ENKUR: variants seen among roughly 807,000 people sequenced by gnomAD.
ENKUR encodes the protein enkurin, TRPC channel interacting protein.
Under a neutral mutation model 27.6 loss-of-function variants are expected in ENKUR, and 19 were observed. That is an observed-to-expected ratio of 0.69 (90% CI 0.48 to 1.01). ENKUR has a LOEUF of 1.01. Among genes scored for constraint, ENKUR ranks in the 50% least tolerant of loss-of-function variants. ENKUR has a pLI of 0.00. For synonymous variants in ENKUR, 117 were observed against 96.9 expected (o/e 1.21, Z -1.22); for missense variants, 312 against 310.5 (o/e 1.00, Z -0.04).
At chr10:25,019,638 C>G (rs1372726545), upstream of ENKUR, among the ~76,000 whole-genome samples, 1 of 152,188 alleles carries the variant, frequency 6.6e-6, no homozygotes, top group Non-Finnish European at 1.5e-5. Context: ...TATGCAAATA[C>G]TACACCATTT....
chr10:24,984,933 AC>A (rs1564333286), intron 4 of ENKUR, 28 bp from the exon 5 acceptor site: 2 of 1,570,528 alleles, frequency 1.3e-6, no homozygotes, highest in African/African-American at 2.7e-5. Flanking sequence ...ACTTGTAAAT[AC>A]CAAAGCAAAC....
intron 1 of ENKUR, among the ~76,000 whole-genome samples, chr10:25,009,931 C>T (rs533047013): frequency 1.9e-4 from 29 of 152,288 alleles, no homozygotes; most frequent in Non-Finnish European, 4.1e-4. Context: ...ATTACCTACT[C>T]TTGGGTATGT....
At chr10:25,036,851 CAATT>C (rs1851014597) in intron 2 of ENKUR, among the ~76,000 whole-genome samples, 1 of 152,152 alleles carries the variant, frequency 6.6e-6, no homozygotes, top group Non-Finnish European at 1.5e-5. Context: ...GAGCCCTGGA[CAATT>C]GCCTGCTGGT....
At chr10:25,010,613 G>T (rs1242204803) in intron 1 of ENKUR, among the ~76,000 whole-genome samples, 1 of 142,844 alleles carries the variant, frequency 7.0e-6, no homozygotes, top group Admixed American at 7.2e-5. Flanking sequence ...CCCCACAACA[G>T]TCCCCAGAGT....
chr10:24,993,970 C>T (rs1849982705), intron 3 of ENKUR, among the ~76,000 whole-genome samples: 1 of 152,162 alleles, frequency 6.6e-6, no homozygotes, highest in South Asian at 2.1e-4. Flanking sequence ...TTTCCCTATC[C>T]TGTGGGACAA....
intron 1 of ENKUR, among the ~76,000 whole-genome samples, chr10:25,015,244 C>G (rs1012685517): frequency 6.6e-6 from 1 of 152,208 alleles, no homozygotes; most frequent in Admixed American, 6.5e-5. Context: ...AAAATTTCAA[C>G]TCAATTACAT....
chr10:25,002,898 T>C (rs1487582321), intron 1 of ENKUR, among the ~76,000 whole-genome samples: 1 of 151,840 alleles, frequency 6.6e-6, no homozygotes, highest in Admixed American at 6.6e-5. Flanking sequence ...GGTCTCGTGA[T>C]TAATAAGATA....
At chr10:25,021,218 G>T (rs1257678445) in intron 2 of ENKUR, among the ~76,000 whole-genome samples, 2 of 152,138 alleles carry the variant, frequency 1.3e-5, no homozygotes, top group Admixed American at 1.3e-4. Flanking sequence ...AATATTTTGT[G>T]CTAACCACTA....
In ENKUR at chr10:24,995,646, C is replaced by G; in HGVS notation, c.447G>C (p.Lys149Asn). The G allele has an allele frequency of 6.2e-7, 1 of 1,606,502 alleles. No homozygotes were observed. The highest frequency in any genetic ancestry group is 1.1e-5 in the South Asian group (1 of 88,864). ...SGLVPKYINK[K>N]DYGVTPEYIC... ...TCTTATTAATATACCACAAGGCTAC[C>G]TTTTTATTGATGTACTTTGGAACTA... Residue 149 changes from lysine to asparagine, a missense_variant and splice_region_variant, in exon 3 of 6, where the codon AAG (lysine) becomes AAC (asparagine). Transcript: ENST00000331161.
chr10:24,982,989 G>GA lies in ENKUR; in HGVS notation c.*1380dup, dbSNP rs1263802909. The GA allele has an allele frequency of 6.6e-6, 1 of 152,130 alleles. No homozygotes were observed. Among genetic ancestry groups the GA allele is most frequent in the Non-Finnish European group, 1.5e-5 (1 of 68,030 alleles). 9.4% of individuals were successfully genotyped at this position (152,130 alleles called of 1,614,324 possible). On this transcript the variant is annotated 3_prime_UTR_variant, in exon 6 of 6. Transcript: ENST00000331161. Reference sequence around the variant, plus strand: ...ATATTTTTGCATTGCTACTGATTTTGAATTATTTAAAAATGAGTATGTATA... The same window carrying GA: ...ATATTTTTGCATTGCTACTGATTTTGAAATTATTTAAAAATGAGTATGTATA...
upstream of ENKUR, among the ~76,000 whole-genome samples, chr10:25,017,712 C>T (rs1036226323): frequency 6.6e-6 from 1 of 151,658 alleles, no homozygotes; most frequent in Non-Finnish European, 1.5e-5. Flanking sequence ...GATTGTCTTC[C>T]AAAACATTTT....
At chr10:24,994,962 A>T (rs937124934) in intron 3 of ENKUR, among the ~76,000 whole-genome samples, 1 of 152,158 alleles carries the variant, frequency 6.6e-6, no homozygotes, top group Non-Finnish European at 1.5e-5. Flanking sequence ...TGGAAGTTGC[A>T]GTGAGCTGAG....
At chr10:25,018,707 T>G (rs1376223013), upstream of ENKUR, among the ~76,000 whole-genome samples, 1 of 137,240 alleles carries the variant, frequency 7.3e-6, no homozygotes. Context: ...TCTATTTAAA[T>G]GAATAAAATG....
upstream of ENKUR, among the ~76,000 whole-genome samples, chr10:25,018,643 TAAAC>T (rs1341967420): frequency 7.1e-6 from 1 of 139,986 alleles, no homozygotes; most frequent in Non-Finnish European, 1.5e-5. Context: ...GTGATGTACA[TAAAC>T]AAATGAGAGT....
chr10:25,017,298 GCCTGCCGTAGGAAAGT>G (rs1277800895), upstream of ENKUR, among the ~76,000 whole-genome samples: 2 of 152,122 alleles, frequency 1.3e-5, no homozygotes, highest in African/African-American at 4.8e-5. Flanking sequence ...ATGCACATGG[GCCTGCCGTAGGAAAGT>G]CATTTAGACG....
intron 1 of ENKUR, among the ~76,000 whole-genome samples, chr10:25,010,686 C>G (rs369189539): frequency 0.022 from 3,091 of 141,928 alleles, 75 homozygotes; most frequent in Non-Finnish European, 0.035. Flanking sequence ...TGAGTGAGAA[C>G]ATGCGGTGTT....
intron 2 of ENKUR, among the ~76,000 whole-genome samples, chr10:25,052,943 ATT>A (rs1367824360): frequency 3.3e-5 from 5 of 151,708 alleles, no homozygotes; most frequent in Non-Finnish European, 7.4e-5. Context: ...CTAATTTTGT[ATT>A]TTTACTAGAG....
At chr10:24,986,670 G>A (rs1849787875) in intron 4 of ENKUR, among the ~76,000 whole-genome samples, 1 of 152,122 alleles carries the variant, frequency 6.6e-6, no homozygotes, top group Non-Finnish European at 1.5e-5. Flanking sequence ...GTTTTTCTCT[G>A]TATTTTCTTT....
At chr10:24,988,295 TG>T (rs1849828855) in intron 4 of ENKUR, among the ~76,000 whole-genome samples, 1 of 144,320 alleles carries the variant, frequency 6.9e-6, no homozygotes, top group African/African-American at 2.5e-5. Flanking sequence ...TATTTATATA[TG>T]TATATATATT....
Sources: allele counts gnomAD v4.1 joint callset (sites outside exome capture counted in the v4.1 genomes callset), GRCh38; gene constraint gnomAD v4.1.1; transcripts MANE v1.5; gene names NCBI Gene and HGNC (gene_info 2026-07-23, HGNC 2026-07-21).